Variants in CRISPLD2 observed in about 807,000 individuals in gnomAD.
The protein encoded by CRISPLD2 is cysteine-rich secretory protein LCCL domain-containing 2.
In CRISPLD2, 47 loss-of-function variants were observed where a neutral mutation model predicts 71.1. The ratio of observed to expected loss-of-function variants is 0.66; its 90% CI spans 0.52 to 0.84. The LOEUF (loss-of-function observed/expected upper bound fraction) is 0.84. CRISPLD2 is among the 40% of genes least tolerant of loss of function. The pLI is 0.00. For synonymous variants in CRISPLD2, 317 were observed against 250.1 expected, an observed-to-expected ratio of 1.27 and a Z score of -2.52; for missense variants, 830 against 651.1, an observed-to-expected ratio of 1.27 and a Z score of -2.99.
chr16:84,869,760 C>G (rs2071449654), intron 8 of CRISPLD2, among the ~76,000 whole-genome samples: 1 of 152,286 alleles, frequency 6.6e-6, no homozygotes, highest in Non-Finnish European at 1.5e-5. Flanking sequence ...GCCGTGTGCA[C>G]TGCCCCGTCT....
intron 3 of CRISPLD2, among the ~76,000 whole-genome samples, chr16:84,846,744 C>G (rs966041593): frequency 6.6e-6 from 1 of 152,218 alleles, no homozygotes; most frequent in Non-Finnish European, 1.5e-5. Flanking sequence ...GGGAAGCTCA[C>G]TAACTTCTCC....
intron 14 of CRISPLD2, among the ~76,000 whole-genome samples, chr16:84,891,193 T>G (rs2071659353): frequency 6.6e-6 from 1 of 152,202 alleles, no homozygotes; most frequent in Admixed American, 6.5e-5. Flanking sequence ...TGTTGAAGAT[T>G]TCATATTTGA....
intron 14 of CRISPLD2, among the ~76,000 whole-genome samples, chr16:84,897,119 A>G (rs921938460): frequency 6.6e-6 from 1 of 152,134 alleles, no homozygotes; most frequent in East Asian, 1.9e-4. Flanking sequence ...GAGTCCCTGG[A>G]TTGTTCCTGC....
At chr16:84,900,820 G>C (rs1237616002) in intron 14 of CRISPLD2, among the ~76,000 whole-genome samples, 1 of 152,130 alleles carries the variant, frequency 6.6e-6, no homozygotes, top group Non-Finnish European at 1.5e-5. Context: ...GGGAGGCTGA[G>C]ACGGAAGGAT....
At chr16:84,878,140 C>T (rs764111927) in intron 12 of CRISPLD2, among the ~76,000 whole-genome samples, 62 of 151,886 alleles carry the variant, frequency 4.1e-4, no homozygotes, top group Non-Finnish European at 7.5e-4. Flanking sequence ...GGGAGAATGG[C>T]GTGAACCCAG....
chr16:84,838,839 A>G, intron 2 of CRISPLD2, 104 bp downstream of exon 2: 5 of 1,411,850 alleles, frequency 3.5e-6, no homozygotes. Flanking sequence ...AGTGCGTGTG[A>G]TGGCTGGCTC....
chr16:84,906,217 GCA>G (rs2071801060), intron 14 of CRISPLD2, among the ~76,000 whole-genome samples: 2 of 152,052 alleles, frequency 1.3e-5, no homozygotes, highest in Admixed American at 6.6e-5. Flanking sequence ...TGCTGAGATA[GCA>G]CCTGTTCATC....
At chr16:84,872,866 C>T (rs2143289184) in intron 9 of CRISPLD2, 126 bp from the exon 10 acceptor site, 1 of 1,200,496 alleles carries the variant, frequency 8.3e-7, no homozygotes, top group Non-Finnish European at 1.2e-6. Flanking sequence ...GAGGCAGGAG[C>T]AGAGTGAGCT....
At chr16:84,834,654 C>T (rs1027098070) in intron 1 of CRISPLD2, among the ~76,000 whole-genome samples, 45 of 152,178 alleles carry the variant, frequency 3.0e-4, no homozygotes, top group Admixed American at 1.4e-3. Flanking sequence ...TCTGTTAAGC[C>T]GGCTACAGCA....
chr16:84,823,040 C>T (rs1916266698), intron 1 of CRISPLD2, among the ~76,000 whole-genome samples: 1 of 152,186 alleles, frequency 6.6e-6, no homozygotes, highest in Admixed American at 6.5e-5. Context: ...CTCCCTTCAG[C>T]CGCTCATCTC....
intron 1 of CRISPLD2, 146 bp from the exon 2 acceptor site, chr16:84,838,276 G>A (rs577393121): frequency 3.6e-5 from 21 of 587,916 alleles, no homozygotes; most frequent in Admixed American, 6.1e-5. Context: ...CTGTCTGTGG[G>A]ACCTTGCTTG....
At chr16:84,822,852 A>G (rs1323477809) in intron 1 of CRISPLD2, among the ~76,000 whole-genome samples, 3 of 152,184 alleles carry the variant, frequency 2.0e-5, no homozygotes, top group Non-Finnish European at 4.4e-5. Flanking sequence ...TCCTGAAAAG[A>G]TGTATTGTGG....
At chr16:84,902,298 G>T (rs2071762059) in intron 14 of CRISPLD2, among the ~76,000 whole-genome samples, 1 of 152,108 alleles carries the variant, frequency 6.6e-6, no homozygotes, top group South Asian at 2.1e-4. Context: ...GTCAGCAAAG[G>T]CTGCATGCAG....
At chr16:84,827,172 G>T (rs1251302910) in intron 1 of CRISPLD2, among the ~76,000 whole-genome samples, 1 of 151,272 alleles carries the variant, frequency 6.6e-6, no homozygotes, top group Non-Finnish European at 1.5e-5. Flanking sequence ...GACTTCTAAG[G>T]GCACAGGCTG....
At chr16:84,904,755 A>C (rs191494634) in intron 14 of CRISPLD2, among the ~76,000 whole-genome samples, 2 of 152,328 alleles carry the variant, frequency 1.3e-5, no homozygotes, top group Admixed American at 1.3e-4. Context: ...TTAGATATTT[A>C]CAAGTAAAAC....
intron 1 of CRISPLD2, among the ~76,000 whole-genome samples, chr16:84,833,924 G>A (rs1916552361): frequency 6.6e-6 from 1 of 152,180 alleles, no homozygotes; most frequent in Non-Finnish European, 1.5e-5. Context: ...AGATTCGGTT[G>A]TTTGGTTTGG....
At chr16:84,867,748 G>T (rs1489158953) in intron 7 of CRISPLD2, among the ~76,000 whole-genome samples, 3 of 152,138 alleles carry the variant, frequency 2.0e-5, no homozygotes, top group Non-Finnish European at 4.4e-5. Context: ...TGTATTTTTA[G>T]TAGAGAAAGG....
At chr16:84,863,658 G>A (rs1263750427) in intron 6 of CRISPLD2, among the ~76,000 whole-genome samples, 2 of 152,188 alleles carry the variant, frequency 1.3e-5, no homozygotes, top group African/African-American at 4.8e-5. Context: ...GAAGGCAAAT[G>A]GGAGGTTGAC....
intron 13 of CRISPLD2, among the ~76,000 whole-genome samples, chr16:84,881,212 G>A (rs9939695): frequency 0.021 from 3,183 of 152,208 alleles, 111 homozygotes; most frequent in African/African-American, 0.074. Flanking sequence ...CCAGCTCTCC[G>A]GATGCATTTA....
Sources: allele counts gnomAD v4.1 joint callset (sites outside exome capture counted in the v4.1 genomes callset), GRCh38; gene constraint gnomAD v4.1.1; transcripts MANE v1.5; gene names NCBI Gene and HGNC (gene_info 2026-07-23, HGNC 2026-07-21).